The following SCN11A variants were observed in gnomAD, a reference collection of about 807,000 sequenced individuals.
The protein encoded by SCN11A is sodium voltage-gated channel alpha subunit 11.
In SCN11A, 122 loss-of-function variants were observed where a neutral mutation model predicts 162.2. The ratio of observed to expected loss-of-function variants is 0.75; its 90% CI spans 0.65 to 0.87. SCN11A has a LOEUF of 0.87. Ranked by LOEUF, SCN11A falls within the 40% of genes least tolerant of loss-of-function variation. The probability of loss-of-function intolerance (pLI) is 0.00; values close to 1 mark genes in which losing one functional copy is unlikely to be tolerated. For synonymous variants in SCN11A, 758 were observed against 751.5 expected (o/e 1.01, Z -0.14); for missense variants, 2,015 against 2,181.6 (o/e 0.92, Z 1.52).
chr3:38,959,996 T>C (rs972055284), intron 3 of SCN11A, among the ~76,000 whole-genome samples: 1 of 152,170 alleles, frequency 6.6e-6, no homozygotes, highest in Non-Finnish European at 1.5e-5. Flanking sequence ...CAAGGTCCAA[T>C]TGCTGGCACA....
intron 2 of SCN11A, among the ~76,000 whole-genome samples, chr3:38,986,554 A>G (rs1438366109): frequency 2.0e-5 from 3 of 152,194 alleles, no homozygotes; most frequent in African/African-American, 7.2e-5. Context: ...AAGATGTAAA[A>G]AGAAATCAAT....
chr3:38,877,878 C>T (rs1271911266), intron 23 of SCN11A, among the ~76,000 whole-genome samples: 3 of 150,902 alleles, frequency 2.0e-5, no homozygotes, highest in Non-Finnish European at 3.0e-5. Flanking sequence ...TCACAGCAAC[C>T]TGGATGGAAT....
At chr3:38,935,065 T>C (rs1205332773) in intron 7 of SCN11A, among the ~76,000 whole-genome samples, 1 of 151,988 alleles carries the variant, frequency 6.6e-6, no homozygotes, top group Non-Finnish European at 1.5e-5. Flanking sequence ...GAACTCAGGA[T>C]TAAGAAACTC....
At chr3:38,880,978 A>G (rs537782851) in intron 22 of SCN11A, among the ~76,000 whole-genome samples, 249 of 152,334 alleles carry the variant, frequency 1.6e-3, no homozygotes, top group African/African-American at 5.6e-3. Context: ...GAAGGCAGGA[A>G]GGGAATCATC....
intron 11 of SCN11A, among the ~76,000 whole-genome samples, chr3:38,917,732 G>C (rs2125544978): frequency 6.6e-6 from 1 of 152,158 alleles, no homozygotes; most frequent in South Asian, 2.1e-4. Flanking sequence ...TTAATACCTG[G>C]GTGATGAAAT....
intron 2 of SCN11A, among the ~76,000 whole-genome samples, chr3:39,002,904 C>G (rs905021141): frequency 6.6e-6 from 1 of 151,954 alleles, no homozygotes; most frequent in Non-Finnish European, 1.5e-5. Flanking sequence ...AATCAGCCAA[C>G]AAGATCATGT....
chr3:38,985,801 T>C (rs1341179370), intron 2 of SCN11A, among the ~76,000 whole-genome samples: 2 of 150,972 alleles, frequency 1.3e-5, no homozygotes, highest in African/African-American at 5.0e-5. Flanking sequence ...AAAATAGCCA[T>C]AAGTGTTTAC....
At chr3:39,025,039 C>G (rs1461136314) in intron 2 of SCN11A, among the ~76,000 whole-genome samples, 1 of 152,216 alleles carries the variant, frequency 6.6e-6, no homozygotes, top group East Asian at 1.9e-4. Flanking sequence ...ACCCCCTGGC[C>G]TCTGCACGAG....
At chr3:38,927,969 C>A (rs1009155407) in intron 7 of SCN11A, among the ~76,000 whole-genome samples, 1 of 151,998 alleles carries the variant, frequency 6.6e-6, no homozygotes, top group Non-Finnish European at 1.5e-5. Flanking sequence ...AATAGAGAGC[C>A]CAGAAGTAAA....
chr3:38,892,064 C>T (rs1049012738), intron 19 of SCN11A, among the ~76,000 whole-genome samples: 1 of 152,062 alleles, frequency 6.6e-6, no homozygotes, highest in East Asian at 1.9e-4. Flanking sequence ...TACAAGGTGA[C>T]ATTGATAAAA....
At chr3:39,013,491 G>C (rs1454718721) in intron 2 of SCN11A, among the ~76,000 whole-genome samples, 2 of 151,206 alleles carry the variant, frequency 1.3e-5, no homozygotes, top group Non-Finnish European at 2.9e-5. Context: ...AACCCAGCCA[G>C]AAGTCAGCTG....
intron 23 of SCN11A, 90 bp from the exon 24 acceptor site, chr3:38,872,384 C>A: frequency 1.4e-6 from 1 of 729,608 alleles, no homozygotes; most frequent in Non-Finnish European, 2.5e-6. Context: ...AGCTACAGTC[C>A]ATAAACGTGG....
At chr3:38,875,480 T>C (rs754614765) in intron 23 of SCN11A, among the ~76,000 whole-genome samples, 1 of 152,080 alleles carries the variant, frequency 6.6e-6, no homozygotes, top group African/African-American at 2.4e-5. Context: ...AAAAAACTCC[T>C]AGAACTGGCA....
chr3:38,996,191 T>G (rs1663491126), intron 2 of SCN11A, among the ~76,000 whole-genome samples: 1 of 152,130 alleles, frequency 6.6e-6, no homozygotes, highest in Non-Finnish European at 1.5e-5. Flanking sequence ...CCTGTGATAT[T>G]TTGTCATAGA....
At chr3:38,952,008 T>C (rs1381213527) in intron 4 of SCN11A, among the ~76,000 whole-genome samples, 1 of 152,156 alleles carries the variant, frequency 6.6e-6, no homozygotes, top group Non-Finnish European at 1.5e-5. Context: ...CAATAAATCT[T>C]GCTACTGCTT....
In SCN11A at chr3:39,051,854, C is replaced by T. The variant is rs1038818365; in HGVS notation, c.-404+7G>A. On this transcript the variant is annotated splice_region_variant and intron_variant, in intron 1 of 29. Transcript: ENST00000302328. ...TGCACAGTGGTTTTGTTTTTAGGTG[C>T]ATCTACCTCATCACATGGCTACCGG... 3.4e-5 allele frequency: 24 copies of T among 710,360 alleles called. No individual in the cohort carries two copies. The highest frequency in any genetic ancestry group is 2.9e-4 in the African/African-American group (16 of 55,324). The allele number at this position is 710,360 out of a possible 1,614,324, so 44.0% of individuals were successfully genotyped here. A position where few individuals can be genotyped will look rare whatever the true frequency, so the allele number is the denominator to read the frequency against.
At position 38,903,937 on chromosome 3, in the gene SCN11A, G is replaced by A. The variant is rs1295882386; in HGVS notation, c.1770C>T (p.Asn590=). 2 of 1,614,028 alleles carry A rather than the reference G, an allele frequency of 1.2e-6. No homozygotes were observed. The highest frequency in any genetic ancestry group is 3.3e-5 in the Admixed American group (2 of 60,004). The change falls in exon 16 of 30, where the codon AAC becomes AAT. Residue 590 remains asparagine, a synonymous_variant. Coordinates refer to ENST00000302328, the MANE Select transcript of SCN11A (RefSeq NM_001349253.2). ...ELAITICIII[N]TVFLAMEHHK... is the part of the protein sequence containing the mutation. ...GATGCTCCATGGCCAAGAAGACAGTGTTGATGATGATGCAGATGGTGATGG... is the reference window on the plus strand; with the variant it reads ...GATGCTCCATGGCCAAGAAGACAGTATTGATGATGATGCAGATGGTGATGG...
chr3:38,970,324 T>C (rs1012980276), intron 2 of SCN11A, among the ~76,000 whole-genome samples: 11 of 152,208 alleles, frequency 7.2e-5, no homozygotes, highest in Non-Finnish European at 1.5e-5. Context: ...ATGCATGCCC[T>C]TGGGATCTTA....
chr3:38,863,313 A>C lies in SCN11A; in HGVS notation c.3952-14T>G, dbSNP rs775340840. 6 of 1,314,660 alleles carry C rather than the reference A, an allele frequency of 4.6e-6. No homozygotes were observed. The highest frequency in any genetic ancestry group is 5.5e-6 in the Non-Finnish European group (5 of 915,516). 81.4% of individuals were successfully genotyped at this position (1,314,660 alleles called of 1,614,324 possible). On this transcript the variant is annotated splice_polypyrimidine_tract_variant and intron_variant, in intron 27 of 29. Transcript: ENST00000302328. ...TTGGCCACCTAAGTATATGGAGAAG[A>C]TAAGAGCTAATTACCTTTAACAGTT...
Sources: gnomAD v4.1 joint callset for allele counts (sites outside exome capture counted in the v4.1 genomes callset) on GRCh38, gnomAD v4.1.1 for gene constraint, MANE v1.5 for transcripts, NCBI Gene and HGNC (gene_info 2026-07-23, HGNC 2026-07-21) for gene names.